The following CSGALNACT2 variants were observed in gnomAD, a reference collection of about 807,000 sequenced individuals.
CSGALNACT2 encodes the protein beta 4 GalNAcT-2.
CSGALNACT2 carries 35 observed loss-of-function variants against 55.3 expected under a neutral mutation model. The ratio of observed to expected loss-of-function variants is 0.63; its 90% CI spans 0.48 to 0.84. CSGALNACT2 has a LOEUF of 0.84. CSGALNACT2 is among the 40% of genes least tolerant of loss of function. The probability of loss-of-function intolerance (pLI) is 0.00; values close to 1 mark genes in which losing one functional copy is unlikely to be tolerated. For missense variants in CSGALNACT2, 544 were observed against 657.5 expected, an observed-to-expected ratio of 0.83 and a Z score of 1.89; for synonymous variants, 196 against 224.9, an observed-to-expected ratio of 0.87 and a Z score of 1.15.
chr10:43,145,590 A>G (rs1838729933), intron 1 of CSGALNACT2, among the ~76,000 whole-genome samples: 1 of 151,804 alleles, frequency 6.6e-6, no homozygotes, highest in Admixed American at 6.6e-5. Context: ...TTAATTTCTT[A>G]TAGAGGCAAG....
At chr10:43,170,697 G>A (rs1319257095) in intron 6 of CSGALNACT2, among the ~76,000 whole-genome samples, 1 of 152,108 alleles carries the variant, frequency 6.6e-6, no homozygotes, top group Admixed American at 6.6e-5. Flanking sequence ...TGGAACTAGG[G>A]GACTCACTTT....
chr10:43,165,630 C>CT (rs1839248724), intron 5 of CSGALNACT2, among the ~76,000 whole-genome samples: 1 of 152,084 alleles, frequency 6.6e-6, no homozygotes, highest in Non-Finnish European at 1.5e-5. Context: ...GAGTCCTAGT[C>CT]TTTAAAAATA....
intron 6 of CSGALNACT2, among the ~76,000 whole-genome samples, chr10:43,172,956 T>C (rs1255212516): frequency 6.6e-6 from 1 of 152,162 alleles, no homozygotes; most frequent in Non-Finnish European, 1.5e-5. Flanking sequence ...CCTAGGGTGT[T>C]TGGAGCACAG....
intron 1 of CSGALNACT2, among the ~76,000 whole-genome samples, chr10:43,151,789 A>T (rs1159964417): frequency 2.0e-5 from 3 of 152,226 alleles, no homozygotes; most frequent in Admixed American, 6.5e-5. Flanking sequence ...TGTGTGGCTC[A>T]GAAACTAAGG....
chr10:43,162,823 A>T (rs550992221), intron 4 of CSGALNACT2: 2 of 932,068 alleles, frequency 2.1e-6, no homozygotes, highest in Non-Finnish European at 2.6e-6. Context: ...CTTCTCTAAC[A>T]TGTTAACACA....
chr10:43,142,134 T>G (rs1409435018), intron 1 of CSGALNACT2, among the ~76,000 whole-genome samples: 2 of 152,222 alleles, frequency 1.3e-5, no homozygotes, highest in African/African-American at 2.4e-5. Context: ...GGCTGCCTGT[T>G]TTAGTATAGC....
chr10:43,184,332 G>C lies in CSGALNACT2; in HGVS notation c.*790G>C, dbSNP rs1304796519. On this transcript the variant is annotated 3_prime_UTR_variant, in exon 8 of 8. Transcript: ENST00000374466. ...TGTTGGAATACAGGATCCTAGCTCT[G>C]TCTGGGAACATTAGTTTATTTGAGC... 6.6e-6 allele frequency: 1 copy of C among 152,212 alleles called. No homozygotes were observed. Among genetic ancestry groups the C allele is most frequent in the East Asian group, 1.9e-4 (1 of 5,194 alleles). 9.4% of individuals were successfully genotyped at this position (152,212 alleles called of 1,614,324 possible). A position where few individuals can be genotyped will look rare whatever the true frequency, so the allele number is the denominator to read the frequency against.
At chr10:43,162,913 C>G (rs937154342) in intron 4 of CSGALNACT2, 1 of 985,396 alleles carries the variant, frequency 1.0e-6, no homozygotes, top group African/African-American at 1.7e-5. Flanking sequence ...TTCTCTTTGC[C>G]TTTAGGATAC....
chr10:43,155,945 T>C, intron 2 of CSGALNACT2, 135 bp downstream of exon 2: 1 of 822,094 alleles, frequency 1.2e-6, no homozygotes, highest in Non-Finnish European at 1.9e-6. Context: ...GTAATATAAG[T>C]CAGTCATTAT....
chr10:43,141,172 A>C (rs950604553), intron 1 of CSGALNACT2, among the ~76,000 whole-genome samples: 24 of 151,992 alleles, frequency 1.6e-4, no homozygotes, highest in Non-Finnish European at 3.1e-4. Context: ...GGATTCCAGG[A>C]GTTTGAGAGC....
intron 1 of CSGALNACT2, among the ~76,000 whole-genome samples, chr10:43,141,558 C>T (rs768465577): frequency 5.6e-5 from 5 of 88,548 alleles, no homozygotes; most frequent in Non-Finnish European, 1.2e-4. Context: ...GCACACCTGT[C>T]GTCCCAGCTG....
At chr10:43,156,793 G>A (rs944569472) in intron 2 of CSGALNACT2, among the ~76,000 whole-genome samples, 30 of 152,360 alleles carry the variant, frequency 2.0e-4, no homozygotes, top group Admixed American at 1.1e-3. Flanking sequence ...GACAGGAGGC[G>A]GAGCTCAGGC....
In CSGALNACT2 at chr10:43,164,098, A is replaced by G. The variant is rs1041544412; in HGVS notation, c.1159+54A>G. The G allele has an allele frequency of 7.5e-6, 11 of 1,457,148 alleles. No homozygotes were observed. In the African/African-American group the frequency reaches 1.5e-4, roughly 20 times the overall value. 90.3% of individuals were successfully genotyped at this position (1,457,148 alleles called of 1,614,324 possible). ...CTATAGAATTTAGAACGTTGTCAGC[A>G]TGTCCTATAGTTTGAATCAAGTGAT... On this transcript the variant is annotated intron_variant, in intron 5 of 7. Coordinates refer to ENST00000374466, the MANE Select transcript of CSGALNACT2 (RefSeq NM_018590.5).
intron 6 of CSGALNACT2, among the ~76,000 whole-genome samples, chr10:43,170,275 A>G (rs1839357346): frequency 6.6e-6 from 1 of 152,190 alleles, no homozygotes; most frequent in Non-Finnish European, 1.5e-5. Context: ...TCAGCTTCCA[A>G]ATCTTAGTTT....
chr10:43,162,166 T>TTC (rs780227877), intron 4 of CSGALNACT2: 65 of 519,052 alleles, frequency 1.3e-4, no homozygotes, highest in Non-Finnish European at 2.0e-4. Flanking sequence ...TTGTCTGTTT[T>TTC]TCTCTGCATG....
intron 5 of CSGALNACT2, among the ~76,000 whole-genome samples, chr10:43,165,006 G>A (rs928932830): frequency 5.9e-5 from 9 of 151,982 alleles, no homozygotes; most frequent in African/African-American, 9.6e-5. Flanking sequence ...GGCGGATCAC[G>A]AGGTCAAGAG....
chr10:43,176,169 T>A, intron 7 of CSGALNACT2, 137 bp downstream of exon 7: 1 of 558,296 alleles, frequency 1.8e-6, no homozygotes, highest in Non-Finnish European at 3.0e-6. Context: ...AAACTGGATA[T>A]ACAAAAGGCA....
chr10:43,158,026 TA>T (rs770700775), intron 2 of CSGALNACT2, among the ~76,000 whole-genome samples: 1,914 of 99,440 alleles, frequency 0.019, 47 homozygotes, highest in East Asian at 0.11. Flanking sequence ...AGACTCCGTC[TA>T]AAAAAAAAAA....
intron 6 of CSGALNACT2, among the ~76,000 whole-genome samples, chr10:43,174,131 T>C (rs895826349): frequency 1.3e-5 from 2 of 151,782 alleles, no homozygotes; most frequent in African/African-American, 4.8e-5. Context: ...AATATAGCAG[T>C]GAACAGAATC....
Sources: gnomAD v4.1 joint callset for allele counts (sites outside exome capture counted in the v4.1 genomes callset) on GRCh38, gnomAD v4.1.1 for gene constraint, MANE v1.5 for transcripts, NCBI Gene and HGNC (gene_info 2026-07-23, HGNC 2026-07-21) for gene names.